Variants in PCDH15 observed in about 807,000 individuals in gnomAD.
The protein encoded by PCDH15 is protocadherin-15.
PCDH15 carries 129 observed loss-of-function variants against 178.5 expected under a neutral mutation model. That is an observed-to-expected ratio of 0.72 (90% CI 0.63 to 0.84). The LOEUF (loss-of-function observed/expected upper bound fraction) is 0.84, where lower values mean the gene tolerates loss of function less well. PCDH15 is among the 40% of genes least tolerant of loss of function. The pLI is 0.00. For synonymous variants in PCDH15, 800 were observed against 732.0 expected (o/e 1.09, Z -1.50); for missense variants, 2,230 against 2,099.9 (o/e 1.06, Z -1.21).
intron 18 of PCDH15, among the ~76,000 whole-genome samples, chr10:54,036,639 C>A (rs61159060): frequency 0.12 from 17,977 of 151,846 alleles, 2,140 homozygotes; most frequent in African/African-American, 0.29. Flanking sequence ...CCTGGTCACT[C>A]AAGAGTTCTG....
chr10:54,868,433 T>C (rs913465573), intron 3 of PCDH15, among the ~76,000 whole-genome samples: 2 of 152,082 alleles, frequency 1.3e-5, no homozygotes, highest in Non-Finnish European at 2.9e-5. Flanking sequence ...ATGGCTTCCT[T>C]CTTCTCTTCC....
Position 54,749,974 on chromosome 10 carries a change from C to A in PCDH15, c.-29+50951G>T, listed in dbSNP as rs560559456. Among the ~76,000 whole-genome samples the A allele has an allele frequency of 1.4e-4, 22 of 152,100 alleles. No individual in the cohort carries two copies. In the South Asian group the frequency reaches 4.6e-3, roughly 32 times the overall value. On this transcript the variant is annotated intron_variant, in intron 1 of 37. Coordinates refer to ENST00000644397, the MANE Select transcript of PCDH15 (RefSeq NM_001384140.1). ...CTTCCCTGATCTCAGTTTTCTCATACTTTAAAAGAAATTTATGTGTAGACA... is the reference window on the plus strand; with the variant it reads ...CTTCCCTGATCTCAGTTTTCTCATAATTTAAAAGAAATTTATGTGTAGACA...
chr10:55,001,404 T>C (rs1316850170), intron 2 of PCDH15, among the ~76,000 whole-genome samples: 1 of 152,160 alleles, frequency 6.6e-6, no homozygotes, highest in African/African-American at 2.4e-5. Flanking sequence ...TTGTGGGTGA[T>C]GAGAAGGAGC....
At chr10:54,702,229 G>A (rs1292403872) in intron 1 of PCDH15, among the ~76,000 whole-genome samples, 2 of 151,888 alleles carry the variant, frequency 1.3e-5, no homozygotes, top group African/African-American at 4.8e-5. Context: ...ATGAGATTAA[G>A]GCAGAAATCA....
At chr10:54,692,130 C>T (rs535100897) in intron 1 of PCDH15, among the ~76,000 whole-genome samples, 2 of 152,152 alleles carry the variant, frequency 1.3e-5, no homozygotes, top group East Asian at 3.9e-4. Flanking sequence ...TGTAGTGTAT[C>T]ATAGCTCTAT....
intron 28 of PCDH15, among the ~76,000 whole-genome samples, chr10:53,854,858 C>G (rs2078618900): frequency 6.6e-6 from 1 of 151,968 alleles, no homozygotes; most frequent in Non-Finnish European, 1.5e-5. Flanking sequence ...ATTATTTGCC[C>G]AATTTCATGT....
intron 9 of PCDH15, among the ~76,000 whole-genome samples, chr10:54,227,163 C>A (rs1023133823): frequency 3.3e-5 from 5 of 152,180 alleles, no homozygotes; most frequent in African/African-American, 1.2e-4. Context: ...GGGGCTCTGA[C>A]CCCAAGTTTC....
At chr10:53,967,780 A>G (rs891755630) in intron 21 of PCDH15, among the ~76,000 whole-genome samples, 2 of 152,208 alleles carry the variant, frequency 1.3e-5, no homozygotes, top group Non-Finnish European at 2.9e-5. Context: ...ATGATAATAT[A>G]GTATGTATAT....
chr10:55,387,670 A>C lies in PCDH15; in HGVS notation c.-155-221019T>G, dbSNP rs909047289. 1.1e-4 allele frequency among the ~76,000 whole-genome samples: 17 copies of C among 152,156 alleles called. 1 individual carries two copies. Among genetic ancestry groups the C allele is most frequent in the African/African-American group, 3.1e-4 (13 of 41,446 alleles). The stretch of plus-strand genomic sequence containing the variant: ...GTTCAGTATCTAGGAAAACATAGGC[A>C]CTTTAAGAGCCAAATTTCCAAACAG... On this transcript the variant is annotated intron_variant, in intron 2 of 5. Transcript: ENST00000613346.
intron 2 of PCDH15, among the ~76,000 whole-genome samples, chr10:54,651,519 T>C (rs1273586157): frequency 1.3e-5 from 2 of 152,178 alleles, no homozygotes; most frequent in South Asian, 2.1e-4. Flanking sequence ...AGCCATAGTA[T>C]GCAAACTGGC....
Position 55,336,807 on chromosome 10 carries a change from G to A in PCDH15, c.-155-170156C>T, listed in dbSNP as rs566245043. On this transcript the variant is annotated intron_variant, in intron 2 of 5. Transcript: ENST00000613346. ...CGTTTCTTCATTTCTGAAGGCTCCC[G>A]TGTTACTTAAAGCTTGTACAAAATA... 6.3e-4 allele frequency among the ~76,000 whole-genome samples: 96 copies of A among 152,232 alleles called. No individual in the cohort carries two copies. The South Asian group carries it at 7.5e-3, about 12-fold the overall frequency.
chr10:54,690,814 T>A (rs983447281), intron 1 of PCDH15, among the ~76,000 whole-genome samples: 1 of 152,082 alleles, frequency 6.6e-6, no homozygotes, highest in Non-Finnish European at 1.5e-5. Flanking sequence ...CTGTTTATTA[T>A]CTCAGTGTCC....
intron 2 of PCDH15, among the ~76,000 whole-genome samples, chr10:55,624,889 G>A (rs141048695): frequency 1.3e-5 from 2 of 152,030 alleles, no homozygotes; most frequent in African/African-American, 2.4e-5. Flanking sequence ...TTTATTAATG[G>A]AAATGAAGAA....
At chr10:54,767,020 G>T (rs1042024890) in intron 1 of PCDH15, among the ~76,000 whole-genome samples, 1 of 151,606 alleles carries the variant, frequency 6.6e-6, no homozygotes, top group Non-Finnish European at 1.5e-5. Context: ...ATTTACTAAC[G>T]TCTATAACCA....
At chr10:55,296,300 G>T (rs1339652822) in intron 1 of PCDH15, among the ~76,000 whole-genome samples, 1 of 152,104 alleles carries the variant, frequency 6.6e-6, no homozygotes, top group East Asian at 1.9e-4. Context: ...AACTCAATCT[G>T]TAGCCCCTCT....
At chr10:54,555,736 C>CAAAAAAAAAAA (rs869032040) in intron 2 of PCDH15, among the ~76,000 whole-genome samples, 1 of 73,368 alleles carries the variant, frequency 1.4e-5, no homozygotes, top group Non-Finnish European at 2.7e-5. Context: ...GACTCTGTCT[C>CAAAAAAAAAAA]AAAAAAAAAA....
At chr10:54,348,143 C>T (rs376441743) in intron 5 of PCDH15, among the ~76,000 whole-genome samples, 12 of 151,986 alleles carry the variant, frequency 7.9e-5, no homozygotes, top group Non-Finnish European at 1.3e-4. Context: ...CCACCGCGCC[C>T]GGCTGACAAC....
chr10:54,725,388 C>T (rs1942329939), intron 1 of PCDH15, among the ~76,000 whole-genome samples: 1 of 150,216 alleles, frequency 6.7e-6, no homozygotes, highest in South Asian at 2.1e-4. Flanking sequence ...TACAAATTAG[C>T]AGCTTAGATC....
At chr10:54,954,029 T>C (rs1412391640) in intron 2 of PCDH15, among the ~76,000 whole-genome samples, 1 of 151,214 alleles carries the variant, frequency 6.6e-6, no homozygotes, top group African/African-American at 2.4e-5. Context: ...GGAAGCCAAA[T>C]ATTTAAGAAT....
Sources: allele counts gnomAD v4.1 joint callset (sites outside exome capture counted in the v4.1 genomes callset), GRCh38; gene constraint gnomAD v4.1.1; transcripts MANE v1.5; gene names NCBI Gene and HGNC (gene_info 2026-07-23, HGNC 2026-07-21).